WASHC4: variants seen among roughly 807,000 people sequenced by gnomAD.
WASHC4 encodes WASH complex subunit 7.
Under a neutral mutation model 166.6 loss-of-function variants are expected in WASHC4, and 86 were observed. The ratio of observed to expected loss-of-function variants is 0.52; its 90% CI spans 0.43 to 0.62. The LOEUF (loss-of-function observed/expected upper bound fraction) is 0.62, where lower values mean the gene tolerates loss of function less well. Among genes scored for constraint, WASHC4 ranks in the 20% least tolerant of loss-of-function variants. The probability of loss-of-function intolerance (pLI) is 0.00; values close to 1 mark genes in which losing one functional copy is unlikely to be tolerated. For missense variants in WASHC4, 1,262 were observed against 1,382.4 expected (o/e 0.91, Z 1.38); for synonymous variants, 446 against 451.6 (o/e 0.99, Z 0.16).
chr12:105,110,788 T>C (rs1300845915), intron 1 of WASHC4, among the ~76,000 whole-genome samples: 1 of 152,176 alleles, frequency 6.6e-6, no homozygotes, highest in East Asian at 1.9e-4. Flanking sequence ...GACTAAAAGA[T>C]AGAATCAGGA....
rs140206261 is a variant in WASHC4 at position 105,152,903 on chromosome 12, AC to A, written c.2758+453del. ...TATAATGTATTGTCCTTCTGCCCTT[AC>A]GAGTGGAACTTGTCTTCTGATATGT... On this transcript the variant is annotated intron_variant, in intron 26 of 32. Transcript: ENST00000332180. Among the ~76,000 whole-genome samples the A allele has an allele frequency of 1.8e-3, 274 of 152,284 alleles. 7 individuals are homozygous for A. The East Asian group carries it at 0.048, about 27-fold the overall frequency.
At chr12:105,133,959 T>G (rs1157166072) in intron 14 of WASHC4, 63 bp downstream of exon 14, 5 of 1,462,298 alleles carry the variant, frequency 3.4e-6, no homozygotes, top group Non-Finnish European at 4.8e-6. Context: ...AGTTAAACTT[T>G]GAAAAAACTG....
At chr12:105,131,254 T>A (rs993537934) in intron 13 of WASHC4, among the ~76,000 whole-genome samples, 1 of 150,848 alleles carries the variant, frequency 6.6e-6, no homozygotes, top group East Asian at 1.9e-4. Context: ...GCCCGGCTAA[T>A]TTTTTGTATT....
chr12:105,111,141 C>T lies in WASHC4; in HGVS notation c.78C>T (p.Val26=), dbSNP rs367807155. 2.5e-6 allele frequency: 4 copies of T among 1,606,208 alleles called. No homozygotes were observed. Among genetic ancestry groups the T allele is most frequent in the Non-Finnish European group, 3.4e-6 (4 of 1,173,758 alleles). Reference sequence around the variant, plus strand: ...TAAACTTAGAAATTCATGCCGAAGTCCAACTTAAGAATTATGGGAAATTTC... The same window carrying T: ...TAAACTTAGAAATTCATGCCGAAGTTCAACTTAAGAATTATGGGAAATTTC... ...DDGSQKIHAE[V]QLKNYGKFLE... The change falls in exon 2 of 33, where the codon GTC becomes GTT. Residue 26 remains valine (V), a synonymous_variant. Coordinates refer to ENST00000332180, the MANE Select transcript of WASHC4 (RefSeq NM_015275.3).
Position 105,114,436 on chromosome 12 carries a change from T to C in WASHC4, c.321+9T>C. 1 of 1,541,760 alleles carries C rather than the reference T, an allele frequency of 6.5e-7. No individual in the cohort carries two copies. The highest frequency in any genetic ancestry group is 1.4e-5 in the African/African-American group (1 of 72,370). ...AGAAATTAAAATATGAGGTAATTAT[T>C]TGAATTCTTGTCTTAAAACTTTAAA... is the stretch of plus-strand genomic sequence containing the variant. On this transcript the variant is annotated intron_variant, in intron 4 of 32. Coordinates refer to ENST00000332180, the MANE Select transcript of WASHC4 (RefSeq NM_015275.3).
chr12:105,139,425 G>GTGTGTATA, intron 15 of WASHC4, among the ~76,000 whole-genome samples: 4 of 103,222 alleles, frequency 3.9e-5, no homozygotes, highest in East Asian at 5.5e-4. Flanking sequence ...ATGTGTGTGT[G>GTGTGTATA]TATATATATA....
Position 105,118,086 on chromosome 12 carries a change from G to A in WASHC4, c.436-360G>A, listed in dbSNP as rs183976005. ...CTCAGATGTTTATTCATGTAATAGGGTAGAAATTTATTGAGAAGCAGTTGA... is the reference window on the plus strand; with the variant it reads ...CTCAGATGTTTATTCATGTAATAGGATAGAAATTTATTGAGAAGCAGTTGA... On this transcript the variant is annotated intron_variant, in intron 6 of 32. Transcript: ENST00000332180. Among the ~76,000 whole-genome samples, 259 of 152,300 alleles carry A rather than the reference G, an allele frequency of 1.7e-3. 3 individuals carry two copies. Among genetic ancestry groups the A allele is most frequent in the African/African-American group, 6.2e-3 (257 of 41,566 alleles).
intron 9 of WASHC4, 70 bp downstream of exon 9, chr12:105,121,274 C>A: frequency 1.1e-6 from 1 of 917,660 alleles, no homozygotes; most frequent in Non-Finnish European, 1.8e-6. Context: ...AAAAAGTAAA[C>A]AGATATAAAT....
intron 2 of WASHC4, among the ~76,000 whole-genome samples, chr12:105,113,006 C>A (rs1879833296): frequency 6.6e-6 from 1 of 152,092 alleles, no homozygotes. Context: ...AAATTACTTT[C>A]CTTTGACTTC....
chr12:105,116,718 T>C (rs11112375), intron 6 of WASHC4, among the ~76,000 whole-genome samples: 25,811 of 152,196 alleles, frequency 0.17, 2,449 homozygotes, highest in East Asian at 0.25. Context: ...TTGTATACCT[T>C]AAATATACAC....
intron 32 of WASHC4, 91 bp downstream of exon 32, chr12:105,164,831 C>CT (rs907040751): frequency 1.2e-6 from 1 of 855,936 alleles, no homozygotes; most frequent in Non-Finnish European, 1.9e-6. Flanking sequence ...CATCTAGCTT[C>CT]TTTGTCCTTT....
intron 14 of WASHC4, among the ~76,000 whole-genome samples, chr12:105,136,931 C>A (rs1882380161): frequency 6.6e-6 from 1 of 152,130 alleles, no homozygotes; most frequent in Non-Finnish European, 1.5e-5. Context: ...GCCACTGTTT[C>A]CGATGGGAGA....
chr12:105,126,313 G>T lies in WASHC4; in HGVS notation c.989G>T (p.Arg330Leu). Residue 330 changes from arginine (R) to leucine (L), a missense_variant, in exon 12 of 33, where the codon CGA becomes CTA. By Grantham distance (102) the Arg-to-Leu change is moderately radical (BLOSUM62 -2). Coordinates refer to ENST00000332180, the MANE Select transcript of WASHC4 (RefSeq NM_015275.3). ...GLFVLHFQIFRTIDKKFYKSL... is the reference protein window; with the variant it reads ...GLFVLHFQIFLTIDKKFYKSL... ...TTTGTATTGCACTTTCAGATTTTTC[G>T]AACTATTGATAAAAAGTTTTATAAG... is the stretch of plus-strand genomic sequence containing the variant. 2 of 1,602,934 alleles carry T rather than the reference G, an allele frequency of 1.2e-6. No individual in the cohort carries two copies. The highest frequency in any genetic ancestry group is 2.2e-5 in the South Asian group (2 of 90,610).
chr12:105,151,967 A>T (rs1414902241), intron 25 of WASHC4, among the ~76,000 whole-genome samples: 1 of 152,184 alleles, frequency 6.6e-6, no homozygotes, highest in Non-Finnish European at 1.5e-5. Flanking sequence ...ACGTGTGTTC[A>T]TTGAGAAGGA....
At chr12:105,110,109 G>A (rs914709932) in intron 1 of WASHC4, among the ~76,000 whole-genome samples, 6 of 152,112 alleles carry the variant, frequency 3.9e-5, no homozygotes, top group Non-Finnish European at 8.8e-5. Flanking sequence ...TTCCAAAATT[G>A]CCTAGATTAA....
chr12:105,135,832 CTAA>C (rs1267719577), intron 14 of WASHC4, among the ~76,000 whole-genome samples: 1 of 152,104 alleles, frequency 6.6e-6, no homozygotes, highest in Non-Finnish European at 1.5e-5. Context: ...AAGCACATGT[CTAA>C]TAATTTCATT....
chr12:105,143,369 A>T, intron 20 of WASHC4, 126 bp downstream of exon 20: 1 of 634,014 alleles, frequency 1.6e-6, no homozygotes, highest in Non-Finnish European at 2.9e-6. Context: ...TAGAACAAAG[A>T]ACTATTTTTA....
intron 13 of WASHC4, among the ~76,000 whole-genome samples, chr12:105,131,083 T>TTTATTTA (rs1491456329): frequency 2.7e-5 from 4 of 147,746 alleles, no homozygotes; most frequent in African/African-American, 1.0e-4. Context: ...TATTTATTTA[T>TTTATTTA]TTTTTTTTTT....
Position 105,127,236 on chromosome 12 carries a change from C to T in WASHC4, c.1146C>T (p.Ala382=). ...AKLLDRKSLQ[A]IKIHRDTFLQ... ...TGCTAGACAGAAAAAGTCTTCAAGC[C>T]ATTAAAATACACAGGGATACTTTTC... Residue 382 remains alanine (A), a synonymous_variant, in exon 13 of 33, where the codon GCC becomes GCT. Coordinates refer to ENST00000332180, the MANE Select transcript of WASHC4 (RefSeq NM_015275.3). The T allele has an allele frequency of 6.2e-7, 1 of 1,612,364 alleles. No homozygotes were observed. Among genetic ancestry groups the T allele is most frequent in the South Asian group, 1.1e-5 (1 of 91,048 alleles).
Sources: gnomAD v4.1 joint callset for allele counts (sites outside exome capture counted in the v4.1 genomes callset) on GRCh38, gnomAD v4.1.1 for gene constraint, MANE v1.5 for transcripts, NCBI Gene and HGNC (gene_info 2026-07-23, HGNC 2026-07-21) for gene names.